Variants in PDE1A observed in about 807,000 individuals in gnomAD.
The protein encoded by PDE1A is dual specificity calcium/calmodulin-dependent 3',5'-cyclic nucleotide phosphodiesterase 1A.
In PDE1A, 35 loss-of-function variants were observed where a neutral mutation model predicts 61.7. That is an observed-to-expected ratio of 0.57 (90% confidence interval 0.43 to 0.75). The LOEUF (loss-of-function observed/expected upper bound fraction) is 0.75. Ranked by LOEUF, PDE1A falls within the 30% of genes least tolerant of loss-of-function variation. The probability of loss-of-function intolerance (pLI) is 0.00; values close to 1 mark genes in which losing one functional copy is unlikely to be tolerated. For synonymous variants in PDE1A, 232 were observed against 213.2 expected, an observed-to-expected ratio of 1.09 and a Z score of -0.77; for missense variants, 597 against 630.6, an observed-to-expected ratio of 0.95 and a Z score of 0.57.
At chr2:182,385,345 A>G in intron 1 of PDE1A, among the ~76,000 whole-genome samples, 1 of 152,328 alleles carries the variant, frequency 6.6e-6, no homozygotes, top group South Asian at 2.1e-4. Context: ...AAAAATAATA[A>G]TAGCAACAGT....
At chr2:182,515,867 T>G (rs1451645898) in intron 2 of PDE1A, among the ~76,000 whole-genome samples, 2 of 152,078 alleles carry the variant, frequency 1.3e-5, no homozygotes, top group Admixed American at 6.6e-5. Context: ...AGTGAGTTAA[T>G]GGCTAAGAAT....
At chr2:182,330,917 C>G (rs1394429987) in intron 1 of PDE1A, among the ~76,000 whole-genome samples, 1 of 152,088 alleles carries the variant, frequency 6.6e-6, no homozygotes, top group Non-Finnish European at 1.5e-5. Flanking sequence ...AAATCTTGCT[C>G]CATGTGTTCT....
the PDE1A span, among the ~76,000 whole-genome samples, chr2:182,597,245 AATTTGAC>A: frequency 6.6e-6 from 1 of 152,162 alleles, no homozygotes; most frequent in South Asian, 2.1e-4. Context: ...ATGAGAAATG[AATTTGAC>A]ATCAAAATCT....
At position 182,363,190 on chromosome 2, in the gene PDE1A, G is replaced by A. The variant is rs185486350; in HGVS notation, c.53+63388C>T. ...ACCCGTTTACCTATATAACAAACCT[G>A]CTCATGTACCCCTGAACCTGAACTT... On this transcript the variant is annotated intron_variant, in intron 1 of 13. Transcript: ENST00000351439. 6.5e-4 allele frequency among the ~76,000 whole-genome samples: 99 copies of A among 152,014 alleles called. 2 individuals carry two copies. In the East Asian group the frequency reaches 0.017, roughly 26 times the overall value.
chr2:182,398,960 A>C (rs1160009768), intron 1 of PDE1A, among the ~76,000 whole-genome samples: 1 of 151,998 alleles, frequency 6.6e-6, no homozygotes, highest in East Asian at 1.9e-4. Flanking sequence ...AATTCCCCTA[A>C]ACTTCAGTTT....
At chr2:182,695,151 C>G in the PDE1A span, among the ~76,000 whole-genome samples, 38 of 152,052 alleles carry the variant, frequency 2.5e-4, no homozygotes, top group Middle Eastern at 3.4e-3. Context: ...CATGGCTAGC[C>G]TGACATGTAA....
intron 2 of PDE1A, among the ~76,000 whole-genome samples, chr2:182,464,700 G>A (rs1459200463): frequency 6.6e-6 from 1 of 152,028 alleles, no homozygotes; most frequent in African/African-American, 2.4e-5. Context: ...TAGGCAAGTG[G>A]GAATTCATAG....
intron 1 of PDE1A, among the ~76,000 whole-genome samples, chr2:182,266,882 A>C (rs1248907688): frequency 6.6e-6 from 1 of 152,190 alleles, no homozygotes; most frequent in Non-Finnish European, 1.5e-5. Context: ...ATATCATGCT[A>C]TGGGTCCACC....
At position 182,172,505 on chromosome 2, in the gene PDE1A, A is replaced by C. The variant is rs562794767; in HGVS notation, c.1517-4215T>G. On this transcript the variant is annotated intron_variant, in intron 13 of 13. Coordinates refer to ENST00000351439, the Ensembl canonical transcript of PDE1A. ...CTCATTGCATAGAGAAATGATGCAC[A>C]CACCCAAAGCAGAATGCCAGAACCT... Among the ~76,000 whole-genome samples the C allele has an allele frequency of 2.2e-3, 328 of 152,136 alleles. 1 individual carries two copies. Among genetic ancestry groups the C allele is most frequent in the Non-Finnish European group, 2.5e-3 (173 of 67,954 alleles).
At chr2:182,489,756 T>A (rs1688261035) in intron 2 of PDE1A, among the ~76,000 whole-genome samples, 2 of 152,150 alleles carry the variant, frequency 1.3e-5, no homozygotes, top group South Asian at 4.1e-4. Context: ...AGGGGAAAAT[T>A]GAATTTGGTT....
At chr2:182,635,078 A>G in the PDE1A span, among the ~76,000 whole-genome samples, 1 of 151,874 alleles carries the variant, frequency 6.6e-6, no homozygotes, top group Admixed American at 6.6e-5. Context: ...GTGTTCTCAT[A>G]CTCTGCGGGA....
the PDE1A span, among the ~76,000 whole-genome samples, chr2:182,627,144 T>TA: frequency 2.1e-4 from 15 of 72,540 alleles, no homozygotes; most frequent in Non-Finnish European, 2.9e-4. Flanking sequence ...AAAATATAAA[T>TA]ATTATTTATA....
chr2:182,575,847 A>G, the PDE1A span, among the ~76,000 whole-genome samples: 5 of 146,548 alleles, frequency 3.4e-5, no homozygotes, highest in African/African-American at 9.9e-5. Context: ...CAGAGAGCCT[A>G]TTGTGGGACC....
At chr2:182,254,920 C>A (rs1327495895) in intron 2 of PDE1A, among the ~76,000 whole-genome samples, 1 of 152,132 alleles carries the variant, frequency 6.6e-6, no homozygotes, top group African/African-American at 2.4e-5. Flanking sequence ...TGACGACTGA[C>A]CTTGTATATT....
intron 1 of PDE1A, among the ~76,000 whole-genome samples, chr2:182,326,685 C>G (rs1697068043): frequency 6.6e-6 from 1 of 152,120 alleles, no homozygotes. Flanking sequence ...GAATGGTATG[C>G]TTACAAATGT....
the PDE1A span, among the ~76,000 whole-genome samples, chr2:182,672,488 TAA>T: frequency 6.6e-6 from 1 of 152,186 alleles, no homozygotes; most frequent in Non-Finnish European, 1.5e-5. Context: ...AGTCAGTCAT[TAA>T]ACAGTTGTCA....
intron 1 of PDE1A, among the ~76,000 whole-genome samples, chr2:182,317,431 T>C (rs1254953023): frequency 6.6e-6 from 1 of 152,140 alleles, no homozygotes; most frequent in African/African-American, 2.4e-5. Context: ...GTATTATGCA[T>C]GCCATGGCAA....
the PDE1A span, among the ~76,000 whole-genome samples, chr2:182,591,265 T>C: frequency 6.6e-6 from 1 of 152,216 alleles, no homozygotes; most frequent in East Asian, 1.9e-4. Flanking sequence ...TTACAATAAG[T>C]GTAAGTCTCA....
At chr2:182,155,637 C>G (rs1171585636) in intron 13 of PDE1A, among the ~76,000 whole-genome samples, 2 of 152,136 alleles carry the variant, frequency 1.3e-5, no homozygotes, top group Non-Finnish European at 2.9e-5. Flanking sequence ...TGCCTGTAAT[C>G]CCAGAACTTT....
Sources: allele counts gnomAD v4.1 joint callset (sites outside exome capture counted in the v4.1 genomes callset), GRCh38; gene constraint gnomAD v4.1.1; transcripts MANE v1.5; gene names NCBI Gene and HGNC (gene_info 2026-07-23, HGNC 2026-07-21).